Variants in TMEM168 observed in about 807,000 individuals in gnomAD.
TMEM168 encodes the protein transmembrane protein 168.
In TMEM168, 40 loss-of-function variants were observed where a neutral mutation model predicts 53.2. The observed-to-expected ratio is 0.75, with a 90% confidence interval of 0.58 to 0.98. The LOEUF (loss-of-function observed/expected upper bound fraction) is 0.98. Among genes scored for constraint, TMEM168 ranks in the 50% least tolerant of loss-of-function variants. The pLI is 0.00. For missense variants in TMEM168, 771 were observed against 828.8 expected (o/e 0.93, Z 0.86); for synonymous variants, 282 against 293.0 (o/e 0.96, Z 0.38).
chr7:112,779,152 A>C (rs1584445879), intron 2 of TMEM168, among the ~76,000 whole-genome samples: 1 of 152,256 alleles, frequency 6.6e-6, no homozygotes, highest in South Asian at 2.1e-4. Context: ...TGGCCTCCCA[A>C]ACTGCTGGAA....
At chr7:112,771,266 G>A (rs1207972539) in intron 4 of TMEM168, among the ~76,000 whole-genome samples, 1 of 152,088 alleles carries the variant, frequency 6.6e-6, no homozygotes, top group African/African-American at 2.4e-5. Context: ...TTATCATCAT[G>A]GCTTTCACCC....
At chr7:112,785,081 C>T (rs1793343830) in intron 1 of TMEM168, 128 bp from the exon 2 acceptor site, 1 of 297,050 alleles carries the variant, frequency 3.4e-6, no homozygotes, top group African/African-American at 2.2e-5. Context: ...ACCTGATTTG[C>T]AATATCTTAA....
chr7:112,782,877 T>C (rs1793269028), intron 2 of TMEM168, among the ~76,000 whole-genome samples: 3 of 152,238 alleles, frequency 2.0e-5, no homozygotes, highest in South Asian at 2.1e-4. Flanking sequence ...ACACAGATTA[T>C]AGTATTTATC....
At chr7:112,773,873 A>C (rs1185680926) in intron 3 of TMEM168, among the ~76,000 whole-genome samples, 1 of 152,208 alleles carries the variant, frequency 6.6e-6, no homozygotes. Flanking sequence ...ATACATTAAA[A>C]AAATTACAAT....
At chr7:112,788,002 G>A (rs1793439375) in intron 1 of TMEM168, among the ~76,000 whole-genome samples, 2 of 152,054 alleles carry the variant, frequency 1.3e-5, no homozygotes, top group Non-Finnish European at 2.9e-5. Context: ...AAAGTGCTGG[G>A]ATTACAGGTG....
In TMEM168 at chr7:112,767,325, A is replaced by G; in HGVS notation, c.1966T>C (p.Trp656Arg). ...CAAAAAAGGTTCAGACCGCATAACC[A>G]ATTTGCCAAATGCACTAGGGGATAT... is the stretch of plus-strand genomic sequence containing the variant. Reference protein sequence around the residue: ...ITYPLVHLANWLCGLNLFWIC... With the variant: ...ITYPLVHLANRLCGLNLFWIC... The change falls in exon 5 of 5, where the codon TGG (tryptophan) becomes CGG (arginine). Residue 656 changes from tryptophan (W) to arginine (R), a missense_variant. Trp to Arg is a moderately radical substitution (Grantham distance 101). Coordinates refer to ENST00000312814, the MANE Select transcript of TMEM168 (RefSeq NM_022484.6). 6.2e-7 allele frequency: 1 copy of G among 1,614,180 alleles called. No homozygotes were observed. Among genetic ancestry groups the G allele is most frequent in the Non-Finnish European group, 8.5e-7 (1 of 1,180,016 alleles).
At chr7:112,789,934 G>C (rs75521107) in intron 1 of TMEM168, among the ~76,000 whole-genome samples, 9,658 of 152,228 alleles carry the variant, frequency 0.063, 417 homozygotes, top group South Asian at 0.13. Flanking sequence ...CTCGGAGAAC[G>C]CGACCACAAC....
rs761977837 is a variant in TMEM168, at chr7:112,762,833, C to G, written c.*4364G>C. ...CTCAAAACAATTACTGCTTAAACTT[C>G]ATCGTTTTATATTGTTTCTATGTGT... On this transcript the variant is annotated 3_prime_UTR_variant, in exon 5 of 5. Transcript: ENST00000312814. The G allele has an allele frequency of 2.6e-5, 4 of 151,990 alleles. No individual in the cohort carries two copies. The highest frequency in any genetic ancestry group is 4.4e-5 in the Non-Finnish European group (3 of 67,902). The allele number at this position is 151,990 out of a possible 1,614,324, so 9.4% of individuals were successfully genotyped here.
chr7:112,786,056 A>C (rs1181417967), intron 1 of TMEM168, among the ~76,000 whole-genome samples: 1 of 152,114 alleles, frequency 6.6e-6, no homozygotes, highest in Admixed American at 6.5e-5. Flanking sequence ...AAAAATACAA[A>C]AATTAGCCAG....
Position 112,784,464 on chromosome 7 carries a change from T to C in TMEM168, c.362A>G (p.Glu121Gly), listed in dbSNP as rs1413706738. The change falls in exon 2 of 5, where the codon GAA becomes GGA. Residue 121 changes from glutamate to glycine, a missense_variant. Glu to Gly is a moderately conservative substitution (Grantham distance 98). Coordinates refer to ENST00000312814, the MANE Select transcript of TMEM168 (RefSeq NM_022484.6). ...TGTTAGAAGCAAATATTTGGTTGATTCTTCTTTTACATCATTTTTAAAGGA... is the reference window on the plus strand; with the variant it reads ...TGTTAGAAGCAAATATTTGGTTGATCCTTCTTTTACATCATTTTTAAAGGA... ...NSSFKNDVKEESTKYLLLTSI... is the reference protein window; with the variant it reads ...NSSFKNDVKEGSTKYLLLTSI... 6.2e-7 allele frequency: 1 copy of C among 1,613,970 alleles called. No homozygotes were observed. Among genetic ancestry groups the C allele is most frequent in the African/African-American group, 1.3e-5 (1 of 74,924 alleles).
intron 4 of TMEM168, among the ~76,000 whole-genome samples, chr7:112,770,384 T>TAATAAA (rs1457776412): frequency 6.6e-6 from 1 of 152,180 alleles, no homozygotes; most frequent in East Asian, 1.9e-4. Context: ...AAACTTCTTA[T>TAATAAA]AATAAGCCTC....
chr7:112,762,432 GAA>G lies in TMEM168; in HGVS notation c.*4763_*4764del, dbSNP rs1792688788. 6.6e-6 allele frequency: 1 copy of G among 151,932 alleles called. No homozygotes were observed. The highest frequency in any genetic ancestry group is 2.4e-5 in the African/African-American group (1 of 41,400). The allele number at this position is 151,932 out of a possible 1,614,324, so 9.4% of individuals were successfully genotyped here. ...TAATATAAAAATATTTTTGAACTTA[GAA>G]AAGTTTACTTGGCATTGAGTGAACA... On this transcript the variant is annotated 3_prime_UTR_variant, in exon 5 of 5. Transcript: ENST00000312814.
At position 112,783,976 on chromosome 7, in the gene TMEM168, T is replaced by G; in HGVS notation, c.850A>C (p.Lys284Gln). The G allele has an allele frequency of 1.2e-6, 2 of 1,612,956 alleles. No homozygotes were observed. Among genetic ancestry groups the G allele is most frequent in the Non-Finnish European group, 1.7e-6 (2 of 1,179,840 alleles). Residue 284 changes from lysine to glutamine, a missense_variant, in exon 2 of 5, where the codon AAA becomes CAA. By Grantham distance (53) the Lys-to-Gln change is moderately conservative. Coordinates refer to ENST00000312814, the MANE Select transcript of TMEM168 (RefSeq NM_022484.6). ...ELTFFILSAF[K>Q]LRDTHLWYFV... ...TACCAGAGGTGAGTGTCTCTAAGTTTGAATGCGGAAAGAATAAAAAATGTA... is the reference window on the plus strand; with the variant it reads ...TACCAGAGGTGAGTGTCTCTAAGTTGGAATGCGGAAAGAATAAAAAATGTA...
At chr7:112,788,917 C>A (rs543912757) in intron 1 of TMEM168, among the ~76,000 whole-genome samples, 1 of 152,188 alleles carries the variant, frequency 6.6e-6, no homozygotes, top group Admixed American at 6.5e-5. Context: ...TTTTTAAAAC[C>A]AAAATTTAGC....
chr7:112,768,707 G>A (rs920435053), intron 4 of TMEM168, among the ~76,000 whole-genome samples: 13 of 151,948 alleles, frequency 8.6e-5, no homozygotes, highest in African/African-American at 3.1e-4. Flanking sequence ...TGAGGCAACT[G>A]CCACCCTCAC....
chr7:112,767,983 A>T (rs1255877604), intron 4 of TMEM168, among the ~76,000 whole-genome samples: 1 of 152,192 alleles, frequency 6.6e-6, no homozygotes, highest in Non-Finnish European at 1.5e-5. Flanking sequence ...CTTATTACTC[A>T]CATAAAAAGG....
chr7:112,764,806 ACT>A lies in TMEM168; in HGVS notation c.*2389_*2390del, dbSNP rs1491332306. ...AGCCACCATGCCTGGCTAAACATGT[ACT>A]TTTTTTTTTTTTTGAGACAAAGAAA... is the stretch of plus-strand genomic sequence containing the variant. On this transcript the variant is annotated 3_prime_UTR_variant, in exon 5 of 5. Coordinates refer to ENST00000312814, the MANE Select transcript of TMEM168 (RefSeq NM_022484.6). 3 of 85,702 alleles carry A rather than the reference ACT, an allele frequency of 3.5e-5. No individual in the cohort carries two copies. Among genetic ancestry groups the A allele is most frequent in the African/African-American group, 2.2e-4 (3 of 13,482 alleles). The allele number at this position is 85,702 out of a possible 1,614,324, so 5.3% of individuals were successfully genotyped here. A position where few individuals can be genotyped will look rare whatever the true frequency, so the allele number is the denominator to read the frequency against.
intron 2 of TMEM168, among the ~76,000 whole-genome samples, chr7:112,779,566 T>G (rs1373158536): frequency 6.6e-6 from 1 of 152,192 alleles, no homozygotes; most frequent in African/African-American, 2.4e-5. Context: ...CTTATTCTCC[T>G]TTGCTTCTCC....
At chr7:112,770,241 G>C (rs1414480333) in intron 4 of TMEM168, among the ~76,000 whole-genome samples, 8 of 152,136 alleles carry the variant, frequency 5.3e-5, no homozygotes, top group Admixed American at 4.6e-4. Context: ...TTCTGGGCCT[G>C]GTTCAACCTG....
Sources: allele counts gnomAD v4.1 joint callset (sites outside exome capture counted in the v4.1 genomes callset), GRCh38; gene constraint gnomAD v4.1.1; transcripts MANE v1.5; gene names NCBI Gene and HGNC (gene_info 2026-07-23, HGNC 2026-07-21).